The following TANC2 variants were observed in gnomAD, a reference collection of about 807,000 sequenced individuals.
TANC2 encodes protein TANC2.
TANC2 carries 26 observed loss-of-function variants against 210.5 expected under a neutral mutation model. That is an observed-to-expected ratio of 0.12 (90% CI 0.09 to 0.17). The LOEUF (loss-of-function observed/expected upper bound fraction) is 0.17. Among genes scored for constraint, TANC2 ranks in the 10% least tolerant of loss-of-function variants. The pLI, the probability that TANC2 is intolerant of heterozygous loss-of-function variation, is 1.00. For synonymous variants in TANC2, 931 were observed against 967.1 expected, an observed-to-expected ratio of 0.96 and a Z score of 0.69; for missense variants, 2,129 against 2,608.9, an observed-to-expected ratio of 0.82 and a Z score of 4.01.
At chr17:63,322,992 G>A (rs1032393161) in intron 11 of TANC2, among the ~76,000 whole-genome samples, 5 of 152,106 alleles carry the variant, frequency 3.3e-5, no homozygotes, top group African/African-American at 1.2e-4. Flanking sequence ...TTATAACATT[G>A]TATCAGAAGT....
chr17:63,145,042 C>G (rs963941628), intron 4 of TANC2, among the ~76,000 whole-genome samples: 26 of 150,840 alleles, frequency 1.7e-4, no homozygotes, highest in African/African-American at 6.3e-4. Context: ...TTTGTGTGTG[C>G]TTTATTTTAT....
In TANC2 at chr17:63,175,509, G is replaced by A. The variant is rs985377566; in HGVS notation, c.434-18482G>A. ...GCCACTGCACTCTTACCTGGGCGAC[G>A]GAGTGAGACCCTGTCTCCCCCGCCA... On this transcript the variant is annotated intron_variant, in intron 5 of 27. Transcript: ENST00000689528. Among the ~76,000 whole-genome samples the A allele has an allele frequency of 6.4e-5, 9 of 141,316 alleles. No individual in the cohort carries two copies. In the East Asian group the frequency reaches 1.0e-3, roughly 16 times the overall value. 92.7% of individuals were successfully genotyped at this position (141,316 alleles called of 152,430 possible).
chr17:63,050,094 G>T (rs1182413939), intron 2 of TANC2, among the ~76,000 whole-genome samples: 3 of 152,134 alleles, frequency 2.0e-5, no homozygotes, highest in African/African-American at 7.2e-5. Context: ...GCTCACACAT[G>T]TAATCCTAGC....
chr17:63,332,100 G>T, intron 11 of TANC2: 2 of 345,612 alleles, frequency 5.8e-6, no homozygotes, highest in South Asian at 2.7e-5. Context: ...CCCTGTTACC[G>T]AGGTACCACA....
At chr17:63,294,947 C>T (rs930534174) in intron 9 of TANC2, among the ~76,000 whole-genome samples, 7 of 152,066 alleles carry the variant, frequency 4.6e-5, no homozygotes, top group African/African-American at 1.7e-4. Context: ...TGGTTTCTGC[C>T]TTAGAAAATC....
At position 63,198,033 on chromosome 17, in the gene TANC2, T is replaced by C. The variant is rs541658634; in HGVS notation, c.583-2738T>C. Reference sequence around the variant, plus strand: ...TGTGCTTTATTTTGCACAAAATAACTTAGAGTAAAAATAAGTAAGTGCTGT... The same window carrying C: ...TGTGCTTTATTTTGCACAAAATAACCTAGAGTAAAAATAAGTAAGTGCTGT... On this transcript the variant is annotated intron_variant, in intron 6 of 27. Coordinates refer to ENST00000689528, the Ensembl canonical transcript of TANC2. Among the ~76,000 whole-genome samples, 8 of 152,316 alleles carry C rather than the reference T, an allele frequency of 5.3e-5. No homozygotes were observed. The East Asian group carries it at 9.6e-4, about 18-fold the overall frequency.
At chr17:63,050,298 A>C (rs1364152764) in intron 2 of TANC2, among the ~76,000 whole-genome samples, 1 of 151,704 alleles carries the variant, frequency 6.6e-6, no homozygotes, top group Non-Finnish European at 1.5e-5. Flanking sequence ...TTGAGGCTTC[A>C]GTGAGCCGTG....
chr17:63,263,351 A>C (rs1277614860), intron 8 of TANC2, among the ~76,000 whole-genome samples: 1 of 152,226 alleles, frequency 6.6e-6, no homozygotes, highest in East Asian at 1.9e-4. Flanking sequence ...GCAGAGATCT[A>C]GAGCAGACAG....
At chr17:63,137,585 T>C (rs1349075720) in intron 4 of TANC2, among the ~76,000 whole-genome samples, 3 of 152,238 alleles carry the variant, frequency 2.0e-5, no homozygotes, top group Admixed American at 1.3e-4. Flanking sequence ...TCTCTGTGTT[T>C]CTCAGGTGAC....
At chr17:62,978,668 G>A (rs2032150389) in intron 1 of TANC2, 1 of 152,138 alleles carries the variant, frequency 6.6e-6, no homozygotes, top group Non-Finnish European at 1.5e-5. Context: ...GCACCTTTTT[G>A]GCCTCTGTAT....
At chr17:63,090,161 A>G (rs1168230863) in intron 3 of TANC2, among the ~76,000 whole-genome samples, 3 of 151,308 alleles carry the variant, frequency 2.0e-5, no homozygotes, top group African/African-American at 4.9e-5. Context: ...TATTCTGTAA[A>G]TGAAGCCATG....
At chr17:63,379,856 G>A (rs8065950) in intron 15 of TANC2, 30 bp downstream of exon 15, 21 of 1,562,958 alleles carry the variant, frequency 1.3e-5, no homozygotes, top group East Asian at 1.1e-4. Flanking sequence ...CCATTTTTCC[G>A]CCATCTCTAG....
chr17:63,307,888 C>T (rs2044978238), intron 9 of TANC2, among the ~76,000 whole-genome samples: 1 of 152,178 alleles, frequency 6.6e-6, no homozygotes, highest in African/African-American at 2.4e-5. Context: ...GCCTCAGCCT[C>T]CCGAATAGCT....
chr17:63,277,724 C>A (rs1414602319), intron 9 of TANC2, among the ~76,000 whole-genome samples: 3 of 150,864 alleles, frequency 2.0e-5, no homozygotes, highest in Non-Finnish European at 1.5e-5. Flanking sequence ...TGGAAAAGAA[C>A]TAAAGGAACA....
chr17:63,356,184 A>G (rs1598930684), intron 14 of TANC2, among the ~76,000 whole-genome samples: 1 of 152,122 alleles, frequency 6.6e-6, no homozygotes, highest in African/African-American at 2.4e-5. Context: ...CTCAAACCAG[A>G]CTAGATATGA....
intron 8 of TANC2, among the ~76,000 whole-genome samples, chr17:63,252,769 C>A (rs2043087456): frequency 6.6e-6 from 1 of 152,008 alleles, no homozygotes; most frequent in South Asian, 2.1e-4. Context: ...GTATGTACCA[C>A]ATTTTTTTTT....
intron 7 of TANC2, among the ~76,000 whole-genome samples, chr17:63,232,439 G>A (rs969894778): frequency 3.3e-5 from 5 of 152,238 alleles, no homozygotes; most frequent in Non-Finnish European, 7.3e-5. Flanking sequence ...TGGGGTTTTT[G>A]TGGGGACATT....
rs555167558 is a variant in TANC2, at chr17:63,006,821, A to G, written c.-23-2716A>G. 6.6e-5 allele frequency among the ~76,000 whole-genome samples: 10 copies of G among 152,218 alleles called. No homozygotes were observed. In the East Asian group the frequency reaches 1.7e-3, roughly 26 times the overall value. ...CTACTTGATCTTGTAGCTATTGACA[A>G]AGGTGTGTTGGTCTCCCATGTAACT... On this transcript the variant is annotated intron_variant, in intron 1 of 27. Transcript: ENST00000689528.
intron 1 of TANC2, among the ~76,000 whole-genome samples, chr17:62,976,760 A>G (rs1033063742): frequency 6.6e-6 from 1 of 152,204 alleles, no homozygotes; most frequent in Non-Finnish European, 1.5e-5. Flanking sequence ...AATTTAGCCT[A>G]AATACTTGCC....
Sources: gnomAD v4.1 joint callset for allele counts (sites outside exome capture counted in the v4.1 genomes callset) on GRCh38, gnomAD v4.1.1 for gene constraint, MANE v1.5 for transcripts, NCBI Gene and HGNC (gene_info 2026-07-23, HGNC 2026-07-21) for gene names.